The following CD48 variants were observed in gnomAD, a reference collection of about 807,000 sequenced individuals.
CD48 encodes the protein CD48 antigen.
Under a neutral mutation model 22.0 loss-of-function variants are expected in CD48, and 20 were observed. The ratio of observed to expected loss-of-function variants is 0.91; its 90% CI spans 0.64 to 1.32. The LOEUF (loss-of-function observed/expected upper bound fraction) is 1.32, where lower values mean the gene tolerates loss of function less well. Ranked by LOEUF, CD48 falls within the 40% of genes most tolerant of loss-of-function variation. CD48 has a pLI of 0.00. For missense variants in CD48, 307 were observed against 286.5 expected (o/e 1.07, Z -0.52); for synonymous variants, 110 against 110.1 (o/e 1.00, Z 0.01).
intron 1 of CD48, among the ~76,000 whole-genome samples, chr1:160,694,104 G>A (rs1294167115): frequency 6.6e-6 from 1 of 152,250 alleles, no homozygotes; most frequent in Non-Finnish European, 1.5e-5. Context: ...ATTCATACTG[G>A]TGTGGTTGAT....
chr1:160,693,423 G>A (rs545361289), intron 1 of CD48, among the ~76,000 whole-genome samples: 13 of 152,284 alleles, frequency 8.5e-5, no homozygotes, highest in Non-Finnish European at 1.6e-4. Context: ...GTAAAAGCCC[G>A]TGATGGAATT....
chr1:160,686,026 C>T lies in CD48; in HGVS notation c.83-837G>A, dbSNP rs117137506. On this transcript the variant is annotated intron_variant, in intron 1 of 3. Transcript: ENST00000368046. ...CTGTGCCAGATTCTTTCCTTCCTCC[C>T]GTGTGTGGGTCAGGCCCTCTCTAGA... Among the ~76,000 whole-genome samples the T allele has an allele frequency of 2.0e-3, 303 of 152,292 alleles. 5 individuals carry two copies. In the East Asian group the frequency reaches 0.052, roughly 26 times the overall value.
chr1:160,685,020 C>A lies in CD48; in HGVS notation c.252G>T (p.Arg84Ser), dbSNP rs1278049988. ...SKYFESKFKG[R>S]VRLDPQSGAL... is the part of the protein sequence containing the mutation. ...CGCCACTCTGAGGATCAAGTCTGAC[C>A]CTGCCTTTAAATTTGGATTCAAAGT... is the stretch of plus-strand genomic sequence containing the variant. Residue 84 changes from arginine to serine, a missense_variant, in exon 2 of 4, where the codon AGG becomes AGT. Arg to Ser is a moderately radical substitution (Grantham distance 110). Transcript: ENST00000368046. 5 of 1,614,154 alleles carry A rather than the reference C, an allele frequency of 3.1e-6. No homozygotes were observed. Among genetic ancestry groups the A allele is most frequent in the Non-Finnish European group, 4.2e-6 (5 of 1,180,032 alleles).
intron 2 of CD48, among the ~76,000 whole-genome samples, chr1:160,682,473 A>AAG (rs398049629): frequency 6.9e-6 from 1 of 145,904 alleles, no homozygotes; most frequent in African/African-American, 2.5e-5. Flanking sequence ...AAAAAAAAAA[A>AAG]GAAGAAAGAA....
intron 1 of CD48, among the ~76,000 whole-genome samples, chr1:160,692,869 C>G (rs980358217): frequency 2.0e-5 from 3 of 152,162 alleles, no homozygotes; most frequent in Non-Finnish European, 4.4e-5. Flanking sequence ...ATGGACCCAA[C>G]TCCCCTTATA....
At chr1:160,711,578 G>C in intron 1 of CD48, 104 bp downstream of exon 1, 2 of 844,798 alleles carry the variant, frequency 2.4e-6, no homozygotes, top group Non-Finnish European at 4.0e-6. Flanking sequence ...CTGCTTTCCA[G>C]ACACCAGATC....
At chr1:160,698,261 C>T (rs897014807) in intron 1 of CD48, among the ~76,000 whole-genome samples, 1 of 152,094 alleles carries the variant, frequency 6.6e-6, no homozygotes, top group African/African-American at 2.4e-5. Context: ...TTGGCAGCAC[C>T]GTATTCTGCT....
At chr1:160,705,725 T>C (rs1270160127) in intron 1 of CD48, among the ~76,000 whole-genome samples, 1 of 152,200 alleles carries the variant, frequency 6.6e-6, no homozygotes, top group Non-Finnish European at 1.5e-5. Flanking sequence ...GCGGTCATAA[T>C]AGGCAGTCTA....
At chr1:160,683,392 T>G (rs1661874359) in intron 2 of CD48, 1 of 152,250 alleles carries the variant, frequency 6.6e-6, no homozygotes, top group Non-Finnish European at 1.5e-5. Flanking sequence ...CAAGCCAGTT[T>G]GTGGATTTTT....
intron 1 of CD48, among the ~76,000 whole-genome samples, chr1:160,688,470 A>G (rs1009333166): frequency 6.6e-6 from 1 of 152,154 alleles, no homozygotes; most frequent in Non-Finnish European, 1.5e-5. Context: ...AATGCATTGG[A>G]AAGTTTGATT....
chr1:160,709,943 C>T (rs10908805), intron 1 of CD48, among the ~76,000 whole-genome samples: 78,710 of 151,920 alleles, frequency 0.52, 21,312 homozygotes, highest in Non-Finnish European at 0.61. Context: ...TCCCATCTAA[C>T]CATGCCTTCA....
rs75512413 is a variant in CD48 at position 160,682,416 on chromosome 1, A to G, written c.386-948T>C. ...GAGTTCCAGGGTGCAATAAACTATG[A>G]TTATACCACTGCACTCCAGCTTGGG... On this transcript the variant is annotated intron_variant, in intron 2 of 3. Transcript: ENST00000368046. 3.5e-3 allele frequency among the ~76,000 whole-genome samples: 531 copies of G among 149,598 alleles called. 6 individuals are homozygous for G. The highest frequency in any genetic ancestry group is 0.012 in the African/African-American group (506 of 40,732).
intron 1 of CD48, among the ~76,000 whole-genome samples, chr1:160,690,266 C>T (rs988928730): frequency 4.6e-5 from 7 of 152,132 alleles, no homozygotes; most frequent in East Asian, 1.9e-4. Context: ...AAAAATGGGC[C>T]GTGCCTTCCC....
chr1:160,679,964 G>A (rs752279421), intron 3 of CD48, among the ~76,000 whole-genome samples: 9 of 152,284 alleles, frequency 5.9e-5, no homozygotes, highest in Middle Eastern at 6.8e-3. Flanking sequence ...GAAGAGCAAG[G>A]CATATCAGGA....
intron 2 of CD48, chr1:160,684,545 G>A (rs988666952): frequency 2.8e-5 from 16 of 578,500 alleles, no homozygotes; most frequent in Non-Finnish European, 4.2e-5. Flanking sequence ...TAAGTCCAAT[G>A]AAGCCTAATT....
At chr1:160,685,421 G>A (rs1174136139) in intron 1 of CD48, among the ~76,000 whole-genome samples, 1 of 152,156 alleles carries the variant, frequency 6.6e-6, no homozygotes, top group Non-Finnish European at 1.5e-5. Flanking sequence ...ATCTAGTACT[G>A]TCCCCAGAAA....
At chr1:160,696,249 A>G (rs867995126) in intron 1 of CD48, among the ~76,000 whole-genome samples, 318 of 147,968 alleles carry the variant, frequency 2.1e-3, no homozygotes, top group African/African-American at 8.3e-3. Flanking sequence ...ATTTTGATCA[A>G]CCTATCAATA....
At chr1:160,705,870 T>C (rs936660906) in intron 1 of CD48, among the ~76,000 whole-genome samples, 1 of 152,154 alleles carries the variant, frequency 6.6e-6, no homozygotes, top group African/African-American at 2.4e-5. Flanking sequence ...GTAACACTTG[T>C]CCAGTTGTGA....
chr1:160,680,667 G>C, intron 3 of CD48: 1 of 1,012,318 alleles, frequency 9.9e-7, no homozygotes, highest in Non-Finnish European at 1.2e-6. Context: ...AGGAACATCA[G>C]GCTGGGGAGG....
Sources: allele counts gnomAD v4.1 joint callset (sites outside exome capture counted in the v4.1 genomes callset), GRCh38; gene constraint gnomAD v4.1.1; transcripts MANE v1.5; gene names NCBI Gene and HGNC (gene_info 2026-07-23, HGNC 2026-07-21).